Variants in LRP1 observed in about 807,000 individuals in gnomAD.
LRP1 encodes the protein prolow-density lipoprotein receptor-related protein 1.
In LRP1, 51 loss-of-function variants were observed where a neutral mutation model predicts 541.5. The ratio of observed to expected loss-of-function variants is 0.09; its 90% CI spans 0.08 to 0.12. The LOEUF (loss-of-function observed/expected upper bound fraction) is 0.12. LRP1 is among the 10% of genes least tolerant of loss of function. The probability of loss-of-function intolerance (pLI) is 1.00; values close to 1 mark genes in which losing one functional copy is unlikely to be tolerated. For missense variants in LRP1, 3,878 were observed against 6,376.2 expected (o/e 0.61, Z 13.34); for synonymous variants, 2,219 against 2,470.8 (o/e 0.90, Z 3.02).
chr12:57,148,995 A>G, intron 6 of LRP1: 1 of 664,608 alleles, frequency 1.5e-6, no homozygotes, highest in Non-Finnish European at 2.7e-6. Flanking sequence ...TGTGTTTTCG[A>G]AATCACAACA....
chr12:57,164,841 G>T (rs1194456185), intron 15 of LRP1: 2 of 152,282 alleles, frequency 1.3e-5, no homozygotes, highest in African/African-American at 2.4e-5. Flanking sequence ...GGTCAGGAGA[G>T]GGCGTTGGCT....
intron 10 of LRP1, 116 bp downstream of exon 10, chr12:57,157,036 C>T: frequency 7.9e-7 from 1 of 1,268,764 alleles, no homozygotes; most frequent in Non-Finnish European, 1.0e-6. Context: ...GGAAGTGTCC[C>T]AGAGTGTACC....
chr12:57,200,945 G>A, intron 64 of LRP1, 89 bp from the exon 65 acceptor site: 1 of 1,598,830 alleles, frequency 6.3e-7, no homozygotes, highest in South Asian at 1.1e-5. Flanking sequence ...TATGGCTCAA[G>A]CCTGTGTCCT....
chr12:57,134,108 G>C (rs779458435), intron 1 of LRP1, among the ~76,000 whole-genome samples: 2 of 152,156 alleles, frequency 1.3e-5, no homozygotes, highest in Admixed American at 6.5e-5. Context: ...CCTGGGGACC[G>C]TGGCTGGGCT....
At position 57,156,709 on chromosome 12, in the gene LRP1, A is replaced by G; in HGVS notation, c.1418-68A>G. On this transcript the variant is annotated intron_variant, in intron 9 of 88. Coordinates refer to ENST00000243077, the MANE Select transcript of LRP1 (RefSeq NM_002332.3). The surrounding 1 kb of genome is among the most constrained non-coding windows in gnomAD (Gnocchi z 5.2). Reference sequence around the variant, plus strand: ...AGCAGCAGGGGGTGTGGTCAGATTCAGGAAGCCTTCTCAAGGCCTGGCACA... The same window carrying G: ...AGCAGCAGGGGGTGTGGTCAGATTCGGGAAGCCTTCTCAAGGCCTGGCACA... The G allele has an allele frequency of 1.3e-6, 2 of 1,505,854 alleles. No individual in the cohort carries two copies. Among genetic ancestry groups the G allele is most frequent in the East Asian group, 2.3e-5 (1 of 43,412 alleles). The allele number at this position is 1,505,854 out of a possible 1,614,324, so 93.3% of individuals were successfully genotyped here. A position where few individuals can be genotyped will look rare whatever the true frequency, so the allele number is the denominator to read the frequency against.
At chr12:57,176,932 G>T in intron 24 of LRP1, 109 bp from the exon 25 acceptor site, 2 of 887,290 alleles carry the variant, frequency 2.3e-6, no homozygotes, top group Non-Finnish European at 3.6e-6. Context: ...CAGAAACTTT[G>T]GCAGAAGTGC....
chr12:57,141,344 G>T (rs903738944), intron 2 of LRP1, 30 bp from the exon 3 acceptor site: 6 of 1,613,772 alleles, frequency 3.7e-6, no homozygotes, highest in African/African-American at 1.3e-5. Flanking sequence ...TAGCCAGCTT[G>T]TTCATGCCCA....
chr12:57,208,523 G>T, intron 77 of LRP1, 188 bp from the exon 78 acceptor site: 2 of 590,846 alleles, frequency 3.4e-6, no homozygotes, highest in Non-Finnish European at 6.0e-6. Flanking sequence ...AGCACACTGT[G>T]GTTTTAGAGG....
rs756270194 is a variant in LRP1 at position 57,205,617 on chromosome 12, G to A, written c.11530G>A (p.Gly3844Ser). The A allele has an allele frequency of 1.9e-5, 30 of 1,613,618 alleles. No homozygotes were observed. The highest frequency in any genetic ancestry group is 2.7e-5 in the African/African-American group (2 of 74,918). ...CSQLCNNTKG[G>S]HLCSCARNFM... is the part of the protein sequence containing the mutation. Reference sequence around the variant, plus strand: ...CCAGCTCTGCAACAACACCAAGGGCGGCCACCTCTGCAGCTGCGCTCGGAA... The same window carrying A: ...CCAGCTCTGCAACAACACCAAGGGCAGCCACCTCTGCAGCTGCGCTCGGAA... Residue 3844 changes from glycine to serine, a missense_variant, in exon 75 of 89, where the codon GGC becomes AGC. Gly to Ser is a moderately conservative substitution (Grantham distance 56). Coordinates refer to ENST00000243077, the MANE Select transcript of LRP1 (RefSeq NM_002332.3). This position sits in a 1 kb window ranked among gnomAD's most constrained non-coding sequence, Gnocchi z 4.6.
Position 57,184,367 on chromosome 12 carries a change from A to G in LRP1, c.6101A>G (p.Glu2034Gly). ...GAGTGGGGTCAGTATCCGCGTATTG[A>G]GCGGTCTCGGCTAGATGGCACGGAG... ...WTEWGQYPRI[E>G]RSRLDGTERV... The change falls in exon 38 of 89, where the codon GAG (glutamate) becomes GGG (glycine). Residue 2034 changes from glutamate to glycine, a missense_variant. By Grantham distance (98) the Glu-to-Gly change is moderately conservative. Around this residue, in one of 13 missense-constraint regions of LRP1, gnomAD observed 1,100 missense variants for 1,827.4 expected, o/e 0.60. Transcript: ENST00000243077. The surrounding 1 kb of genome is among the most constrained non-coding windows in gnomAD (Gnocchi z 7.8). 6.2e-7 allele frequency: 1 copy of G among 1,614,138 alleles called. No individual in the cohort carries two copies.
chr12:57,135,217 C>T (rs533953637), intron 1 of LRP1, among the ~76,000 whole-genome samples: 4 of 152,310 alleles, frequency 2.6e-5, no homozygotes, highest in South Asian at 2.1e-4. Context: ...TAGCTCCCAT[C>T]GGTCAGGGAG....
In LRP1 at chr12:57,179,206, A is replaced by T; in HGVS notation, c.4739-123A>T. 8.7e-7 allele frequency: 1 copy of T among 1,153,958 alleles called. No individual in the cohort carries two copies. The highest frequency in any genetic ancestry group is 1.2e-6 in the Non-Finnish European group (1 of 806,540). The allele number at this position is 1,153,958 out of a possible 1,614,324, so 71.5% of individuals were successfully genotyped here. A position where few individuals can be genotyped will look rare whatever the true frequency, so the allele number is the denominator to read the frequency against. On this transcript the variant is annotated intron_variant, in intron 28 of 88. Coordinates refer to ENST00000243077, the MANE Select transcript of LRP1 (RefSeq NM_002332.3). This position sits in a 1 kb window ranked among gnomAD's most constrained non-coding sequence, Gnocchi z 6.8. ...CCAGGGGGGCTGCACCCAGCGGGGTATGTCCACGGAGCCAAGGGCCAGTAG... is the reference window on the plus strand; with the variant it reads ...CCAGGGGGGCTGCACCCAGCGGGGTTTGTCCACGGAGCCAAGGGCCAGTAG...
At position 57,158,389 on chromosome 12, in the gene LRP1, G is replaced by A. The variant is rs1476126326; in HGVS notation, c.1562-13G>A. On this transcript the variant is annotated splice_polypyrimidine_tract_variant and intron_variant, in intron 10 of 88. Coordinates refer to ENST00000243077, the MANE Select transcript of LRP1 (RefSeq NM_002332.3). The surrounding 1 kb of genome is among the most constrained non-coding windows in gnomAD (Gnocchi z 5.3). ...TGTGTGTCTGACTGTACCCTGGCTT[G>A]TGCCTGCTCTAGAGCCGGAGCATGA... The A allele has an allele frequency of 1.3e-6, 2 of 1,592,968 alleles. No individual in the cohort carries two copies. The highest frequency in any genetic ancestry group is 1.7e-5 in the Admixed American group (1 of 59,014).
At chr12:57,149,533 G>A (rs371839822) in intron 6 of LRP1, 12 of 646,228 alleles carry the variant, frequency 1.9e-5, no homozygotes, top group East Asian at 5.4e-5. Context: ...TTTAGAGCCC[G>A]GCAAGGATTT....
At chr12:57,157,116 A>C (rs939114147) in intron 10 of LRP1, among the ~76,000 whole-genome samples, 196 bp downstream of exon 10, 1 of 152,180 alleles carries the variant, frequency 6.6e-6, no homozygotes, top group African/African-American at 2.4e-5. Context: ...CACCCACCGG[A>C]CTCTGCAGAA....
chr12:57,194,567 C>T lies in LRP1; in HGVS notation c.8069-10C>T, dbSNP rs376839585. On this transcript the variant is annotated splice_polypyrimidine_tract_variant and intron_variant, in intron 49 of 88. Coordinates refer to ENST00000243077, the MANE Select transcript of LRP1 (RefSeq NM_002332.3). Reference sequence around the variant, plus strand: ...GTGAGCAGGGCCCTCACACCTGCCTCGCCCCCCAGGTGTGAAACGCCCCAG... The same window carrying T: ...GTGAGCAGGGCCCTCACACCTGCCTTGCCCCCCAGGTGTGAAACGCCCCAG... 8.1e-6 allele frequency: 13 copies of T among 1,612,452 alleles called. No homozygotes were observed. The highest frequency in any genetic ancestry group is 1.7e-5 in the Admixed American group (1 of 59,942).
At position 57,192,857 on chromosome 12, in the gene LRP1, C is replaced by A. The variant is rs2036443676; in HGVS notation, c.7442C>A (p.Pro2481Gln). The change falls in exon 45 of 89, where the codon CCA (proline) becomes CAA (glutamine). Residue 2481 changes from proline to glutamine, a missense_variant. Physicochemically the swap from Pro to Gln is moderately conservative, Grantham distance 76 (BLOSUM62 -1). Coordinates refer to ENST00000243077, the MANE Select transcript of LRP1 (RefSeq NM_002332.3). Reference protein sequence around the residue: ...ANDTNSCELSPCRINNGGCQD... With the variant: ...ANDTNSCELSQCRINNGGCQD... The stretch of plus-strand genomic sequence containing the variant: ...TGTCCCTGCTCAGGTGAACTCTCTC[C>A]ATGCCGAATCAACAACGGTGGCTGC... 1 of 1,614,020 alleles carries A rather than the reference C, an allele frequency of 6.2e-7. No homozygotes were observed. The highest frequency in any genetic ancestry group is 8.5e-7 in the Non-Finnish European group (1 of 1,180,034).
At position 57,156,567 on chromosome 12, in the gene LRP1, T is replaced by C. The variant is rs1238532521; in HGVS notation, c.1418-210T>C. 6.6e-6 allele frequency among the ~76,000 whole-genome samples: 1 copy of C among 152,220 alleles called. No individual in the cohort carries two copies. The highest frequency in any genetic ancestry group is 1.5e-5 in the Non-Finnish European group (1 of 68,036). On this transcript the variant is annotated intron_variant, in intron 9 of 88. Coordinates refer to ENST00000243077, the MANE Select transcript of LRP1 (RefSeq NM_002332.3). The surrounding 1 kb of genome is among the most constrained non-coding windows in gnomAD (Gnocchi z 5.2). ...GCCATGGGCAACCCTGGAACTCTCT[T>C]CCCTGACTACTGAAGCCCCCACTCC...
chr12:57,193,813 C>T (rs1800186), intron 47 of LRP1, 86 bp from the exon 48 acceptor site: 230 of 1,590,510 alleles, frequency 1.4e-4, no homozygotes, highest in Non-Finnish European at 1.8e-4. Context: ...AGGGCAGGTG[C>T]TGTGGGCCAG....
Sources: gnomAD v4.1 joint callset for allele counts (sites outside exome capture counted in the v4.1 genomes callset) on GRCh38, gnomAD v4.1.1 for gene constraint, gnomAD v4.1.1 regional missense constraint, Gnocchi (gnomAD v3.1) non-coding constraint, MANE v1.5 for transcripts, NCBI Gene and HGNC (gene_info 2026-07-23, HGNC 2026-07-21) for gene names.